BRAP: variants seen among roughly 807,000 people sequenced by gnomAD.
BRAP encodes BRCA1-associated protein.
Under a neutral mutation model 73.4 loss-of-function variants are expected in BRAP, and 42 were observed. That is an observed-to-expected ratio of 0.57 (90% CI 0.45 to 0.74). BRAP has a LOEUF of 0.74. Ranked by LOEUF, BRAP falls within the 30% of genes least tolerant of loss-of-function variation. BRAP has a pLI of 0.00. For missense variants in BRAP, 593 were observed against 751.4 expected (o/e 0.79, Z 2.46); for synonymous variants, 255 against 267.4 (o/e 0.95, Z 0.45).
intron 11 of BRAP, 119 bp from the exon 12 acceptor site, chr12:111,644,681 T>C (rs1025704238): frequency 4.2e-6 from 6 of 1,429,960 alleles, no homozygotes; most frequent in Non-Finnish European, 5.6e-6. Flanking sequence ...CAGACCCCTT[T>C]CTCCCATCGT....
chr12:111,683,040 A>T, intron 2 of BRAP, 106 bp downstream of exon 2: 1 of 1,302,120 alleles, frequency 7.7e-7, no homozygotes, highest in African/African-American at 1.5e-5. Context: ...AGTGAAAGAC[A>T]AAAGTATGCT....
At chr12:111,659,682 T>C (rs547144383) in intron 7 of BRAP, among the ~76,000 whole-genome samples, 1 of 149,860 alleles carries the variant, frequency 6.7e-6, no homozygotes, top group South Asian at 2.1e-4. Context: ...AAATAATCGA[T>C]CCAGCTCACT....
intron 11 of BRAP, among the ~76,000 whole-genome samples, chr12:111,647,582 T>C (rs1886154028): frequency 6.6e-6 from 1 of 152,084 alleles, no homozygotes; most frequent in African/African-American, 2.4e-5. Flanking sequence ...TGGTGGCCCA[T>C]GCCTGTAATG....
At chr12:111,680,029 C>T (rs1887540115) in intron 3 of BRAP, among the ~76,000 whole-genome samples, 1 of 151,238 alleles carries the variant, frequency 6.6e-6, no homozygotes, top group Non-Finnish European at 1.5e-5. Context: ...ATGGTCTCGG[C>T]TCACTGCAAC....
At chr12:111,685,690 C>G in intron 1 of BRAP, 21 bp downstream of exon 1, 1 of 1,594,526 alleles carries the variant, frequency 6.3e-7, no homozygotes, top group Non-Finnish European at 8.5e-7. Context: ...ACAGGGAATG[C>G]GGCGAGGCCG....
At chr12:111,663,931 T>C (rs1022637427) in intron 6 of BRAP, among the ~76,000 whole-genome samples, 18 of 152,314 alleles carry the variant, frequency 1.2e-4, no homozygotes, top group African/African-American at 3.8e-4. Flanking sequence ...TTTGGGCCTG[T>C]GTCCTCCTCC....
chr12:111,660,430 G>A (rs1223491456), intron 7 of BRAP, among the ~76,000 whole-genome samples, 170 bp downstream of exon 7: 1 of 151,898 alleles, frequency 6.6e-6, no homozygotes, highest in Non-Finnish European at 1.5e-5. Context: ...TGGAAGGACC[G>A]CTCGAGGCCA....
intron 3 of BRAP, among the ~76,000 whole-genome samples, chr12:111,681,098 A>G (rs1887582297): frequency 6.6e-6 from 1 of 152,196 alleles, no homozygotes; most frequent in Admixed American, 6.5e-5. Context: ...GGCAGGGCGC[A>G]GTGGCTCACG....
At position 111,655,552 on chromosome 12, in the gene BRAP, C is replaced by G; in HGVS notation, c.1311+14G>C. 1 of 1,604,816 alleles carries G rather than the reference C, an allele frequency of 6.2e-7. No individual in the cohort carries two copies. Among genetic ancestry groups the G allele is most frequent in the Non-Finnish European group, 8.5e-7 (1 of 1,171,586 alleles). On this transcript the variant is annotated intron_variant, in intron 10 of 11. Coordinates refer to ENST00000419234, the MANE Select transcript of BRAP (RefSeq NM_006768.5). ...TGTGTCATTTCCGCAGTCACCCAAA[C>G]CAAACAGACTTACTTCCTCTGCTGT...
rs1252740653 is a variant in BRAP at position 111,685,811 on chromosome 12, C to G, written c.-19G>C. Reference sequence around the variant, plus strand: ...CACTCATAGGGCAGGCGCTGGCCGGCGCGGGCCCCGGCGGGCTCAGGCGAG... The same window carrying G: ...CACTCATAGGGCAGGCGCTGGCCGGGGCGGGCCCCGGCGGGCTCAGGCGAG... On this transcript the variant is annotated 5_prime_UTR_variant, in exon 1 of 12. Coordinates refer to ENST00000419234, the MANE Select transcript of BRAP (RefSeq NM_006768.5). 6.6e-7 allele frequency: 1 copy of G among 1,507,122 alleles called. No homozygotes were observed. The highest frequency in any genetic ancestry group is 1.4e-5 in the African/African-American group (1 of 69,272). 93.4% of individuals were successfully genotyped at this position (1,507,122 alleles called of 1,614,324 possible). A position where few individuals can be genotyped will look rare whatever the true frequency, so the allele number is the denominator to read the frequency against.
At chr12:111,677,991 G>A (rs1887450349) in intron 4 of BRAP, among the ~76,000 whole-genome samples, 3 of 152,116 alleles carry the variant, frequency 2.0e-5, no homozygotes, top group African/African-American at 4.8e-5. Flanking sequence ...AGTCGCTCAC[G>A]CCTGTAATCC....
At chr12:111,685,493 C>T (rs751025004) in intron 1 of BRAP, 43 of 1,125,910 alleles carry the variant, frequency 3.8e-5, no homozygotes, top group Middle Eastern at 3.3e-4. Flanking sequence ...TGCCCTCAGA[C>T]GGCACAGGGA....
intron 11 of BRAP, among the ~76,000 whole-genome samples, chr12:111,645,132 G>C (rs1212984631): frequency 6.6e-6 from 1 of 151,516 alleles, no homozygotes; most frequent in Non-Finnish European, 1.5e-5. Flanking sequence ...GCAGTGGCGT[G>C]ATCTTGGCTC....
intron 5 of BRAP, chr12:111,670,201 G>A: frequency 1.6e-6 from 1 of 610,294 alleles, no homozygotes; most frequent in South Asian, 1.4e-5. Flanking sequence ...TTGTTGGGAG[G>A]TCTGCAGCTT....
chr12:111,683,936 C>G (rs551585470), intron 1 of BRAP, among the ~76,000 whole-genome samples: 2 of 151,960 alleles, frequency 1.3e-5, no homozygotes, highest in Non-Finnish European at 2.9e-5. Flanking sequence ...TTTAGTAACA[C>G]CTGATAAAAT....
chr12:111,646,489 T>A (rs896426307), intron 11 of BRAP, among the ~76,000 whole-genome samples: 2 of 151,898 alleles, frequency 1.3e-5, no homozygotes, highest in Non-Finnish European at 2.9e-5. Flanking sequence ...AAACAAAAAA[T>A]TTGGGCCAGG....
intron 10 of BRAP, among the ~76,000 whole-genome samples, chr12:111,651,214 T>C (rs1031493888): frequency 7.0e-6 from 1 of 142,070 alleles, no homozygotes; most frequent in Admixed American, 7.0e-5. Flanking sequence ...AAGTCTCTAA[T>C]AGCACTAGCT....
chr12:111,677,723 C>A (rs956436545), intron 4 of BRAP, among the ~76,000 whole-genome samples: 2 of 152,182 alleles, frequency 1.3e-5, no homozygotes, highest in African/African-American at 4.8e-5. Context: ...CTCCTTGGCA[C>A]CCTTGGAAGG....
At position 111,659,126 on chromosome 12, in the gene BRAP, C is replaced by G. The variant is rs1448192851; in HGVS notation, c.1111+81G>C. 2.7e-6 allele frequency: 4 copies of G among 1,496,908 alleles called. No homozygotes were observed. In the African/African-American group the frequency reaches 5.6e-5, roughly 21 times the overall value. The allele number at this position is 1,496,908 out of a possible 1,614,324, so 92.7% of individuals were successfully genotyped here. ...AGCTGTCAAAAGATGACATTTCAAG[C>G]TGGGAGGGAAAGTGAAGGCGTTGTG... On this transcript the variant is annotated intron_variant, in intron 8 of 11. Coordinates refer to ENST00000419234, the MANE Select transcript of BRAP (RefSeq NM_006768.5).
Sources: allele counts gnomAD v4.1 joint callset (sites outside exome capture counted in the v4.1 genomes callset), GRCh38; gene constraint gnomAD v4.1.1; transcripts MANE v1.5; gene names NCBI Gene and HGNC (gene_info 2026-07-23, HGNC 2026-07-21).